The following IER3IP1 variants were observed in gnomAD, a reference collection of about 807,000 sequenced individuals.
The protein encoded by IER3IP1 is immediate early response 3-interacting protein 1.
A neutral mutation model predicts 12.2 loss-of-function variants in IER3IP1; 16 were observed. The ratio of observed to expected loss-of-function variants is 1.31; its 90% CI spans 0.89 to 1.99. The LOEUF is 1.99. IER3IP1 is among the 30% of genes most tolerant of loss of function. The pLI is 0.00. For missense variants in IER3IP1, 95 were observed against 95.8 expected (o/e 0.99, Z 0.03); for synonymous variants, 42 against 40.0 (o/e 1.05, Z -0.19).
At chr18:47,175,160 G>C (rs2064028278) in intron 1 of IER3IP1, among the ~76,000 whole-genome samples, 1 of 152,122 alleles carries the variant, frequency 6.6e-6, no homozygotes, top group Non-Finnish European at 1.5e-5. Context: ...CTGGGTTTAC[G>C]TTTCAGTGAT....
At chr18:47,168,419 C>A (rs1447094331) in intron 1 of IER3IP1, among the ~76,000 whole-genome samples, 48 of 151,876 alleles carry the variant, frequency 3.2e-4, no homozygotes, top group Admixed American at 3.1e-3. Flanking sequence ...CAGCCTGTAG[C>A]ATTAGTGAGT....
intron 1 of IER3IP1, among the ~76,000 whole-genome samples, chr18:47,159,005 A>T (rs2063970794): frequency 6.6e-6 from 1 of 151,228 alleles, no homozygotes; most frequent in Non-Finnish European, 1.5e-5. Flanking sequence ...TTTGAGAAAC[A>T]TAAAAACACA....
At chr18:47,167,363 A>G (rs552185160) in intron 1 of IER3IP1, among the ~76,000 whole-genome samples, 2 of 152,182 alleles carry the variant, frequency 1.3e-5, no homozygotes, top group Non-Finnish European at 2.9e-5. Context: ...CTGTACCAGG[A>G]GTTTTTAATG....
chr18:47,165,552 CAA>C (rs34723400), intron 1 of IER3IP1, among the ~76,000 whole-genome samples: 16 of 122,200 alleles, frequency 1.3e-4, no homozygotes, highest in Admixed American at 1.7e-4. Flanking sequence ...GACTCTGTCT[CAA>C]AAAAAAAAAA....
intron 1 of IER3IP1, among the ~76,000 whole-genome samples, chr18:47,169,534 C>T (rs770310864): frequency 1.1e-4 from 17 of 152,062 alleles, no homozygotes; most frequent in Non-Finnish European, 2.1e-4. Context: ...TAACAATATA[C>T]GACAATTCCA....
rs1174629421 is a variant in IER3IP1 at position 47,157,589 on chromosome 18, C to T, written c.92-52G>A. 13 of 1,470,356 alleles carry T rather than the reference C, an allele frequency of 8.8e-6. No individual in the cohort carries two copies. In the South Asian group the frequency reaches 1.1e-4, roughly 13 times the overall value. 91.1% of individuals were successfully genotyped at this position (1,470,356 alleles called of 1,614,324 possible). ...TAAAAGTTATTACACACTTGCCTTC[C>T]TCCCTGTCATCTTCTAAAAGATTAG... is the stretch of plus-strand genomic sequence containing the variant. On this transcript the variant is annotated intron_variant, in intron 1 of 2. Transcript: ENST00000256433.
intron 1 of IER3IP1, among the ~76,000 whole-genome samples, chr18:47,165,040 G>T (rs1257586783): frequency 6.6e-6 from 1 of 152,102 alleles, no homozygotes; most frequent in Non-Finnish European, 1.5e-5. Context: ...CACATATTTT[G>T]AAGAAAAAGT....
intron 1 of IER3IP1, among the ~76,000 whole-genome samples, chr18:47,158,614 T>G (rs1466664673): frequency 6.6e-6 from 1 of 151,600 alleles, no homozygotes; most frequent in Non-Finnish European, 1.5e-5. Flanking sequence ...ATTACAGGCA[T>G]GAGTCACCGC....
In IER3IP1 at chr18:47,171,355, T is replaced by C. The variant is rs146404217; in HGVS notation, c.91+4832A>G. Among the ~76,000 whole-genome samples, 143 of 152,344 alleles carry C rather than the reference T, an allele frequency of 9.4e-4. 3 individuals carry two copies. In the East Asian group the frequency reaches 0.024, roughly 26 times the overall value. On this transcript the variant is annotated intron_variant, in intron 1 of 2. Coordinates refer to ENST00000256433, the MANE Select transcript of IER3IP1 (RefSeq NM_016097.5). ...TCTCTTTTCTTGTGATGTCGCTGTC[T>C]GGTTTTCATATTAGGTTAATACTGA...
At chr18:47,170,383 T>A (rs137909020) in intron 1 of IER3IP1, among the ~76,000 whole-genome samples, 38 of 152,252 alleles carry the variant, frequency 2.5e-4, no homozygotes, top group African/African-American at 9.1e-4. Context: ...TCTTGACTAT[T>A]CTGGATTCCT....
Position 47,157,528 on chromosome 18 carries a change from C to G in IER3IP1, c.101G>C (p.Gly34Ala), listed in dbSNP as rs778634839. Residue 34 changes from glycine to alanine, a missense_variant, in exon 2 of 3, where the codon GGA (glycine) becomes GCA (alanine). Transcript: ENST00000256433. ...AAATCCACCAATTCCCTGGTCTGTT[C>G]CCCAGCCAACTGTATAATGTAAAGA... Reference protein sequence around the residue: ...EERFLKNIGWGTDQGIGGFGE... With the variant: ...EERFLKNIGWATDQGIGGFGE... The G allele has an allele frequency of 1.2e-6, 2 of 1,613,802 alleles. No homozygotes were observed. Among genetic ancestry groups the G allele is most frequent in the East Asian group, 4.5e-5 (2 of 44,860 alleles).
chr18:47,161,469 A>G (rs1413034127), intron 1 of IER3IP1, among the ~76,000 whole-genome samples: 1 of 152,184 alleles, frequency 6.6e-6, no homozygotes, highest in East Asian at 1.9e-4. Flanking sequence ...TCAATAGATA[A>G]CCTTGTAATC....
At chr18:47,175,729 G>A (rs2064030680) in intron 1 of IER3IP1, among the ~76,000 whole-genome samples, 2 of 151,954 alleles carry the variant, frequency 1.3e-5, no homozygotes, top group Admixed American at 6.6e-5. Flanking sequence ...CCAAAGTGCT[G>A]GGATTACAGG....
intron 2 of IER3IP1, chr18:47,156,941 G>A (rs2063962412): frequency 5.9e-6 from 1 of 168,746 alleles, no homozygotes; most frequent in African/African-American, 2.4e-5. Context: ...AGGATTACAG[G>A]TATGCACCAC....
intron 1 of IER3IP1, among the ~76,000 whole-genome samples, chr18:47,167,657 A>G (rs1270268290): frequency 6.6e-6 from 1 of 152,102 alleles, no homozygotes; most frequent in Admixed American, 6.5e-5. Flanking sequence ...ATGGAATTAC[A>G]GTATATTTTA....
rs1006163643 is a variant in IER3IP1 at position 47,153,362 on chromosome 18, C to T, written c.*2815G>A. 1 of 152,096 alleles carries T rather than the reference C, an allele frequency of 6.6e-6. No homozygotes were observed. The highest frequency in any genetic ancestry group is 6.6e-5 in the Admixed American group (1 of 15,254). 9.4% of individuals were successfully genotyped at this position (152,096 alleles called of 1,614,324 possible). On this transcript the variant is annotated 3_prime_UTR_variant, in exon 3 of 3. Coordinates refer to ENST00000256433, the MANE Select transcript of IER3IP1 (RefSeq NM_016097.5). Reference sequence around the variant, plus strand: ...TACTCAGTATGTAGTTTCTGTTTCCCTCACCCCCTCCCACCCTCCCTAAAG... The same window carrying T: ...TACTCAGTATGTAGTTTCTGTTTCCTTCACCCCCTCCCACCCTCCCTAAAG...
intron 1 of IER3IP1, among the ~76,000 whole-genome samples, chr18:47,161,765 TTC>T (rs1419847277): frequency 2.0e-5 from 3 of 152,032 alleles, no homozygotes; most frequent in Admixed American, 1.3e-4. Context: ...TGTACTTTAT[TTC>T]TATTATTATT....
rs930900555 is a variant in IER3IP1 at position 47,172,634 on chromosome 18, A to G, written c.91+3553T>C. 2.6e-5 allele frequency among the ~76,000 whole-genome samples: 4 copies of G among 152,242 alleles called. No homozygotes were observed. Among genetic ancestry groups the G allele is most frequent in the African/African-American group, 7.2e-5 (3 of 41,464 alleles). On this transcript the variant is annotated intron_variant, in intron 1 of 2. Coordinates refer to ENST00000256433, the MANE Select transcript of IER3IP1 (RefSeq NM_016097.5). This position sits in a 1 kb window ranked among gnomAD's most constrained non-coding sequence, Gnocchi z 4.0. Reference sequence around the variant, plus strand: ...GGACAAAGGGAAGATTCATGTCCTCATGATACAGGATTCATCACGCTACTC... The same window carrying G: ...GGACAAAGGGAAGATTCATGTCCTCGTGATACAGGATTCATCACGCTACTC...
chr18:47,167,474 A>T (rs1410444395), intron 1 of IER3IP1, among the ~76,000 whole-genome samples: 1 of 152,212 alleles, frequency 6.6e-6, no homozygotes, highest in Non-Finnish European at 1.5e-5. Context: ...GGGTTTGGGC[A>T]TTATATTTTT....
Sources: allele counts gnomAD v4.1 joint callset (sites outside exome capture counted in the v4.1 genomes callset), GRCh38; gene constraint gnomAD v4.1.1; non-coding constraint Gnocchi (gnomAD v3.1); transcripts MANE v1.5; gene names NCBI Gene and HGNC (gene_info 2026-07-23, HGNC 2026-07-21).